Variants in CALCR observed in about 807,000 individuals in gnomAD.
The protein encoded by CALCR is calcitonin receptor.
Under a neutral mutation model 59.5 loss-of-function variants are expected in CALCR, and 47 were observed. The observed-to-expected ratio is 0.79, with a 90% confidence interval of 0.63 to 1.01. The LOEUF is 1.01. Among genes scored for constraint, CALCR ranks in the 50% least tolerant of loss-of-function variants. The pLI is 0.00. For synonymous variants in CALCR, 213 were observed against 211.3 expected (o/e 1.01, Z -0.07); for missense variants, 566 against 597.1 (o/e 0.95, Z 0.54).
intron 2 of CALCR, among the ~76,000 whole-genome samples, chr7:93,560,483 G>A (rs1038453569): frequency 2.6e-5 from 4 of 151,896 alleles, no homozygotes; most frequent in Non-Finnish European, 4.4e-5. Context: ...CCTTAAACTG[G>A]TGACCTTCAG....
At chr7:93,534,244 T>C (rs1386420941) in intron 2 of CALCR, among the ~76,000 whole-genome samples, 2 of 151,836 alleles carry the variant, frequency 1.3e-5, no homozygotes, top group Non-Finnish European at 1.5e-5. Flanking sequence ...CTTATACATA[T>C]AATACAAGAT....
chr7:93,565,632 G>A (rs17080), intron 2 of CALCR, among the ~76,000 whole-genome samples: 10,245 of 152,106 alleles, frequency 0.067, 355 homozygotes, highest in Middle Eastern at 0.088. Flanking sequence ...CACTTTGCTG[G>A]GATTTTGCCT....
intron 5 of CALCR, among the ~76,000 whole-genome samples, chr7:93,476,632 T>C (rs1434287480): frequency 6.6e-6 from 1 of 151,842 alleles, no homozygotes; most frequent in Non-Finnish European, 1.5e-5. Context: ...AGTCACTATT[T>C]ATATCCACTT....
intron 9 of CALCR, among the ~76,000 whole-genome samples, chr7:93,440,190 G>A (rs1240802072): frequency 6.6e-6 from 1 of 151,994 alleles, no homozygotes; most frequent in Non-Finnish European, 1.5e-5. Context: ...TAACTTTCAA[G>A]AATCTTTTAA....
chr7:93,541,565 A>G (rs553086851), intron 2 of CALCR, among the ~76,000 whole-genome samples: 4 of 152,146 alleles, frequency 2.6e-5, no homozygotes, highest in Non-Finnish European at 5.9e-5. Context: ...TTGACTTCAG[A>G]AAAATATACT....
chr7:93,506,139 CTCTGTGTGTG>C (rs1446493806), intron 2 of CALCR, among the ~76,000 whole-genome samples: 2 of 152,304 alleles, frequency 1.3e-5, no homozygotes, highest in South Asian at 4.1e-4. Context: ...TAAACTCACT[CTCTGTGTGTG>C]TCTGTGTCCT....
chr7:93,536,877 T>C (rs1229483112), intron 2 of CALCR, among the ~76,000 whole-genome samples: 1 of 151,856 alleles, frequency 6.6e-6, no homozygotes, highest in African/African-American at 2.4e-5. Flanking sequence ...TTCCTGATTT[T>C]GAGAACTCAG....
intron 2 of CALCR, among the ~76,000 whole-genome samples, chr7:93,529,609 G>A (rs768567662): frequency 4.7e-4 from 72 of 151,918 alleles, no homozygotes; most frequent in Non-Finnish European, 8.2e-4. Context: ...GCCTATAGAC[G>A]TCAGATAGCT....
At chr7:93,465,469 G>A (rs923817647) in intron 7 of CALCR, among the ~76,000 whole-genome samples, 5 of 151,764 alleles carry the variant, frequency 3.3e-5, no homozygotes, top group Admixed American at 6.6e-5. Flanking sequence ...TTTTTTCTGC[G>A]AAGGTTTTAA....
At chr7:93,428,511 A>G (rs1343499233) in intron 13 of CALCR, among the ~76,000 whole-genome samples, 1 of 152,226 alleles carries the variant, frequency 6.6e-6, no homozygotes, top group Non-Finnish European at 1.5e-5. Context: ...AGTCAAAGGA[A>G]GCTGATAGGC....
At chr7:93,472,568 C>T in intron 5 of CALCR, 81 bp from the exon 6 acceptor site, 2 of 794,346 alleles carry the variant, frequency 2.5e-6, no homozygotes, top group Non-Finnish European at 4.3e-6. Context: ...GCTTAAAAGC[C>T]ATTCCAACAT....
At chr7:93,501,128 C>T (rs1032064575) in intron 2 of CALCR, among the ~76,000 whole-genome samples, 5 of 152,058 alleles carry the variant, frequency 3.3e-5, no homozygotes, top group South Asian at 2.1e-4. Flanking sequence ...ATGTCAGCAA[C>T]GATATACAAA....
chr7:93,508,045 T>C (rs1045662261), intron 2 of CALCR, among the ~76,000 whole-genome samples: 1 of 152,252 alleles, frequency 6.6e-6, no homozygotes, highest in African/African-American at 2.4e-5. Flanking sequence ...AATTTCTGAT[T>C]AACTTACAAG....
intron 8 of CALCR, among the ~76,000 whole-genome samples, chr7:93,452,559 C>T (rs776213341): frequency 6.6e-6 from 1 of 151,954 alleles, no homozygotes; most frequent in Non-Finnish European, 1.5e-5. Flanking sequence ...AAGGATGCAA[C>T]ATTTTCAATT....
rs369651055 is a variant in CALCR at position 93,487,648 on chromosome 7, G to A, written c.-26-641C>T. Among the ~76,000 whole-genome samples, 8 of 151,462 alleles carry A rather than the reference G, an allele frequency of 5.3e-5. No homozygotes were observed. The East Asian group carries it at 1.4e-3, about 26-fold the overall frequency. On this transcript the variant is annotated intron_variant, in intron 2 of 13. Coordinates refer to ENST00000426151, the MANE Select transcript of CALCR (RefSeq NM_001742.4). ...CACAAATATCAAATGGTTTTTCATG[G>A]CTCTGCAGATAATTTTACACAAGAA...
At chr7:93,491,434 C>T (rs192180952) in intron 2 of CALCR, among the ~76,000 whole-genome samples, 58 of 152,098 alleles carry the variant, frequency 3.8e-4, no homozygotes, top group African/African-American at 1.1e-3. Flanking sequence ...AGAACTTCTG[C>T]GCAGCAAAAG....
intron 2 of CALCR, among the ~76,000 whole-genome samples, chr7:93,491,600 A>T (rs1275938889): frequency 6.6e-6 from 1 of 152,048 alleles, no homozygotes; most frequent in African/African-American, 2.4e-5. Context: ...GGAAAAGGAT[A>T]TGGACACTTC....
chr7:93,519,747 C>A (rs1801721893), intron 2 of CALCR, among the ~76,000 whole-genome samples: 1 of 151,914 alleles, frequency 6.6e-6, no homozygotes, highest in African/African-American at 2.4e-5. Context: ...GGGCGATACT[C>A]CCCATGCTAT....
At chr7:93,525,933 C>T (rs1472590183) in intron 2 of CALCR, among the ~76,000 whole-genome samples, 2 of 152,134 alleles carry the variant, frequency 1.3e-5, no homozygotes, top group Non-Finnish European at 2.9e-5. Flanking sequence ...GCACTATTAA[C>T]CTTTGCTATT....
Sources: gnomAD v4.1 joint callset for allele counts (sites outside exome capture counted in the v4.1 genomes callset) on GRCh38, gnomAD v4.1.1 for gene constraint, MANE v1.5 for transcripts, NCBI Gene and HGNC (gene_info 2026-07-23, HGNC 2026-07-21) for gene names.